RBFOX1: variants seen among roughly 807,000 people sequenced by gnomAD.
RBFOX1 encodes RNA binding fox-1 homolog 1.
A neutral mutation model predicts 57.7 loss-of-function variants in RBFOX1; 8 were observed. That is an observed-to-expected ratio of 0.14 (90% CI 0.08 to 0.25). The LOEUF (loss-of-function observed/expected upper bound fraction) is 0.25, where lower values mean the gene tolerates loss of function less well. Among genes scored for constraint, RBFOX1 ranks in the 10% least tolerant of loss-of-function variants. The pLI is 1.00. For synonymous variants in RBFOX1, 326 were observed against 222.4 expected (o/e 1.47, Z -4.15); for missense variants, 611 against 548.5 (o/e 1.11, Z -1.14).
At chr16:7,473,834 G>C (rs1474692484) in intron 4 of RBFOX1, among the ~76,000 whole-genome samples, 4 of 152,094 alleles carry the variant, frequency 2.6e-5, no homozygotes, top group African/African-American at 9.7e-5. Flanking sequence ...GACAATTCTA[G>C]TGATTACAGG....
intron 3 of RBFOX1, among the ~76,000 whole-genome samples, chr16:6,997,260 C>G (rs911207552): frequency 1.3e-5 from 2 of 150,928 alleles, no homozygotes; most frequent in Admixed American, 1.3e-4. Flanking sequence ...GACTCAACTT[C>G]TCCTTCTAGT....
At chr16:6,777,311 G>A (rs1461207643) in intron 3 of RBFOX1, among the ~76,000 whole-genome samples, 1 of 152,074 alleles carries the variant, frequency 6.6e-6, no homozygotes, top group Admixed American at 6.6e-5. Flanking sequence ...CTGCATTTTA[G>A]CAAGGTATTT....
At chr16:6,139,249 G>C (rs1410904282) in intron 1 of RBFOX1, among the ~76,000 whole-genome samples, 4 of 152,100 alleles carry the variant, frequency 2.6e-5, no homozygotes, top group African/African-American at 7.2e-5. Flanking sequence ...GGCCAACTAA[G>C]CATGAGGCAA....
intron 4 of RBFOX1, among the ~76,000 whole-genome samples, chr16:5,904,932 G>A (rs1316409151): frequency 1.5e-4 from 20 of 136,678 alleles, no homozygotes; most frequent in Admixed American, 1.2e-3. Flanking sequence ...AGCCGAGATC[G>A]CACCAATGCA....
intron 4 of RBFOX1, among the ~76,000 whole-genome samples, chr16:7,085,647 C>G (rs1456868969): frequency 6.6e-6 from 1 of 152,134 alleles, no homozygotes; most frequent in African/African-American, 2.4e-5. Flanking sequence ...GTTTTCCTAT[C>G]AGAAAGGGCA....
chr16:7,442,740 G>C (rs1181315588), intron 4 of RBFOX1, among the ~76,000 whole-genome samples: 1 of 152,184 alleles, frequency 6.6e-6, no homozygotes, highest in Non-Finnish European at 1.5e-5. Flanking sequence ...ACCGGAACGA[G>C]AAAGACCTGG....
chr16:5,764,334 G>C (rs2053699239), intron 3 of RBFOX1, among the ~76,000 whole-genome samples: 1 of 152,178 alleles, frequency 6.6e-6, no homozygotes, highest in African/African-American at 2.4e-5. Context: ...AGTTTTCCTT[G>C]GTGGGGAGGA....
intron 4 of RBFOX1, among the ~76,000 whole-genome samples, chr16:7,209,140 C>G (rs1054436046): frequency 8.6e-6 from 1 of 116,292 alleles, no homozygotes; most frequent in African/African-American, 3.3e-5. Flanking sequence ...ACCAAAAATA[C>G]AAAATAATAA....
At chr16:5,859,578 G>C (rs906310579) in intron 3 of RBFOX1, among the ~76,000 whole-genome samples, 2 of 152,176 alleles carry the variant, frequency 1.3e-5, no homozygotes, top group Admixed American at 6.5e-5. Context: ...AGCAAAGGAA[G>C]AAAGTTTACA....
chr16:5,714,127 C>CTGTTT (rs2051599858), intron 3 of RBFOX1, among the ~76,000 whole-genome samples: 1 of 152,182 alleles, frequency 6.6e-6, no homozygotes, highest in Non-Finnish European at 1.5e-5. Flanking sequence ...GCATTTCCAC[C>CTGTTT]ATATCTGTTT....
intron 4 of RBFOX1, among the ~76,000 whole-genome samples, chr16:7,316,718 A>C (rs1603619363): frequency 1.3e-5 from 2 of 152,094 alleles, no homozygotes; most frequent in Admixed American, 6.5e-5. Flanking sequence ...AGTGACATCA[A>C]AGCTGAGATG....
chr16:5,368,081 T>G (rs2065769508), intron 1 of RBFOX1, among the ~76,000 whole-genome samples: 1 of 152,214 alleles, frequency 6.6e-6, no homozygotes, highest in Non-Finnish European at 1.5e-5. Context: ...CAGTCACAAA[T>G]CAGTTCAGCC....
chr16:6,842,760 C>T (rs886359384), intron 3 of RBFOX1, among the ~76,000 whole-genome samples: 25 of 151,292 alleles, frequency 1.7e-4, no homozygotes, highest in Admixed American at 1.2e-3. Context: ...CCTGTCAACC[C>T]GTCATCTAGG....
chr16:7,412,417 A>AC (rs1327061354), intron 4 of RBFOX1, among the ~76,000 whole-genome samples: 22 of 151,834 alleles, frequency 1.4e-4, no homozygotes, highest in Admixed American at 1.4e-3. Context: ...TCTGCCAAAA[A>AC]AAAAAAAAAA....
intron 15 of RBFOX1, 128 bp downstream of exon 15, chr16:7,709,259 G>C: frequency 2.0e-6 from 2 of 1,014,896 alleles, no homozygotes; most frequent in Non-Finnish European, 2.9e-6. Context: ...GCTAACAGCA[G>C]CTAAAATGCC....
chr16:7,447,494 G>C (rs1014554993), intron 4 of RBFOX1, among the ~76,000 whole-genome samples: 9 of 150,536 alleles, frequency 6.0e-5, no homozygotes, highest in Non-Finnish European at 1.2e-4. Context: ...CAGAGTTGCA[G>C]AGTTAGGGGT....
At chr16:6,812,787 T>C (rs891928547) in intron 3 of RBFOX1, among the ~76,000 whole-genome samples, 1 of 152,160 alleles carries the variant, frequency 6.6e-6, no homozygotes. Flanking sequence ...GGCATTTTCC[T>C]TGTGGACCTC....
chr16:6,910,142 C>T (rs1421579783), intron 3 of RBFOX1, among the ~76,000 whole-genome samples: 8 of 151,894 alleles, frequency 5.3e-5, no homozygotes, highest in African/African-American at 9.7e-5. Flanking sequence ...GGCATTCTAG[C>T]GGGGCTTTGA....
chr16:7,510,817 G>T (rs1173308541), intron 4 of RBFOX1, among the ~76,000 whole-genome samples: 7 of 152,158 alleles, frequency 4.6e-5, no homozygotes, highest in African/African-American at 2.4e-5. Flanking sequence ...CCATGCTGGT[G>T]GGGGGTCCCA....
Sources: gnomAD v4.1 joint callset for allele counts (sites outside exome capture counted in the v4.1 genomes callset) on GRCh38, gnomAD v4.1.1 for gene constraint, MANE v1.5 for transcripts, NCBI Gene and HGNC (gene_info 2026-07-23, HGNC 2026-07-21) for gene names.